Variants in AP3B2 observed in about 807,000 individuals in gnomAD.
The protein encoded by AP3B2 is AP-3 complex subunit beta-2.
In AP3B2, 50 loss-of-function variants were observed where a neutral mutation model predicts 126.9. The observed-to-expected ratio is 0.39, with a 90% CI of 0.31 to 0.50. The LOEUF (loss-of-function observed/expected upper bound fraction) is 0.50, where lower values mean the gene tolerates loss of function less well. Ranked by LOEUF, AP3B2 falls within the 20% of genes least tolerant of loss-of-function variation. The pLI, the probability that AP3B2 is intolerant of heterozygous loss-of-function variation, is 0.79. For synonymous variants in AP3B2, 541 were observed against 565.0 expected (o/e 0.96, Z 0.60); for missense variants, 1,177 against 1,426.4 (o/e 0.83, Z 2.82).
chr15:82,674,877 A>C (rs886643382), intron 14 of AP3B2, among the ~76,000 whole-genome samples: 1 of 150,380 alleles, frequency 6.6e-6, no homozygotes, highest in Admixed American at 6.6e-5. Context: ...ATGCACATGT[A>C]GCTCACAGTG....
intron 1 of AP3B2, among the ~76,000 whole-genome samples, chr15:82,703,805 C>G (rs570541180): frequency 6.6e-6 from 1 of 152,214 alleles, no homozygotes; most frequent in Admixed American, 6.5e-5. Context: ...GTCCCAACCC[C>G]AAGCGTCGCT....
chr15:82,667,870 T>C (rs1290384907), intron 14 of AP3B2, among the ~76,000 whole-genome samples: 1 of 152,196 alleles, frequency 6.6e-6, no homozygotes, highest in Non-Finnish European at 1.5e-5. Flanking sequence ...CTTCACTGCC[T>C]ACCTGCTGAC....
rs979112526 is a variant in AP3B2 at position 82,681,316 on chromosome 15, C to A, written c.521+104G>T. 1 of 1,550,346 alleles carries A rather than the reference C, an allele frequency of 6.5e-7. No individual in the cohort carries two copies. The highest frequency in any genetic ancestry group is 2.3e-5 in the East Asian group (1 of 43,938). Reference sequence around the variant, plus strand: ...TGTCAGTCCCCCAAACTACCCTCCTCAAACCCTCTGAGAAGCAGCAGGCAA... The same window carrying A: ...TGTCAGTCCCCCAAACTACCCTCCTAAAACCCTCTGAGAAGCAGCAGGCAA... On this transcript the variant is annotated intron_variant, in intron 5 of 26. Coordinates refer to ENST00000535359, the MANE Select transcript of AP3B2 (RefSeq NM_001278512.2). This position sits in a 1 kb window ranked among gnomAD's most constrained non-coding sequence, Gnocchi z 4.0.
At chr15:82,697,630 A>G (rs1439284726) in intron 1 of AP3B2, among the ~76,000 whole-genome samples, 1 of 152,256 alleles carries the variant, frequency 6.6e-6, no homozygotes. Flanking sequence ...CAAGAATGTT[A>G]GAAACTGTCT....
intron 4 of AP3B2, among the ~76,000 whole-genome samples, chr15:82,684,783 C>T (rs957860856): frequency 3.9e-5 from 6 of 152,206 alleles, no homozygotes; most frequent in Admixed American, 2.0e-4. Flanking sequence ...TGAGCCACCA[C>T]GCCCAGCCTG....
chr15:82,669,616 C>T (rs1372336123), intron 14 of AP3B2, among the ~76,000 whole-genome samples: 6 of 151,350 alleles, frequency 4.0e-5, no homozygotes, highest in African/African-American at 1.5e-4. Flanking sequence ...CGCTTGAACC[C>T]GGGAGGTGAA....
At chr15:82,683,065 T>C (rs2048371281) in intron 4 of AP3B2, among the ~76,000 whole-genome samples, 1 of 139,130 alleles carries the variant, frequency 7.2e-6, no homozygotes, top group African/African-American at 2.7e-5. Flanking sequence ...TTTTTTTTTT[T>C]TTTTTTTTTT....
In AP3B2 at chr15:82,688,248, G is replaced by C. The variant is rs938350383; in HGVS notation, c.360+488C>G. The C allele has an allele frequency of 1.5e-4, 87 of 590,812 alleles. No homozygotes were observed. The East Asian group carries it at 2.2e-3, about 15-fold the overall frequency. The allele number at this position is 590,812 out of a possible 1,614,324, so 36.6% of individuals were successfully genotyped here. Reference sequence around the variant, plus strand: ...CTTAGACTAACCAGAAAAGCCCTTAGGGGGGAGACTTATACATGCACCTAA... The same window carrying C: ...CTTAGACTAACCAGAAAAGCCCTTACGGGGGAGACTTATACATGCACCTAA... On this transcript the variant is annotated intron_variant, in intron 4 of 26. Coordinates refer to ENST00000535359, the MANE Select transcript of AP3B2 (RefSeq NM_001278512.2).
rs776698099 is a variant in AP3B2 at position 82,680,125 on chromosome 15, C to A, written c.1110+50G>T. 2.6e-5 allele frequency: 42 copies of A among 1,610,018 alleles called. No homozygotes were observed. The highest frequency in any genetic ancestry group is 3.5e-5 in the Non-Finnish European group (41 of 1,178,802). On this transcript the variant is annotated intron_variant, in intron 9 of 26. Transcript: ENST00000535359. This position sits in a 1 kb window ranked among gnomAD's most constrained non-coding sequence, Gnocchi z 6.1. ...CAGCCCCGACAACGCCTCCAGTGCC[C>A]GCAGAAGCGGCCCTCGGACAGCGAG...
Position 82,709,702 on chromosome 15 carries a change from G to T in AP3B2, c.5C>A (p.Ser2Ter). The T allele has an allele frequency of 2.0e-6, 3 of 1,484,862 alleles. No individual in the cohort carries two copies. The South Asian group carries it at 3.8e-5, about 19-fold the overall frequency. 92.0% of individuals were successfully genotyped at this position (1,484,862 alleles called of 1,614,324 possible). ...GTCTTCGCTGTAGGCGGGGGCGGCC[G>T]ACATGGGGCGGCCAGGGAGACTTCG... is the stretch of plus-strand genomic sequence containing the variant. M[S>*]AAPAYSEDKG... is the part of the protein sequence containing the mutation. Residue 2 changes from serine (S) to a stop codon, truncating the protein, a stop_gained, in exon 1 of 27, where the codon TCG (serine) becomes TAG (stop). Coordinates refer to ENST00000535359, the MANE Select transcript of AP3B2 (RefSeq NM_001278512.2). LOFTEE classifies it high-confidence loss of function.
chr15:82,662,662 T>G (rs112028294), intron 23 of AP3B2, 32 bp downstream of exon 23: 37 of 1,573,914 alleles, frequency 2.4e-5, no homozygotes, highest in Middle Eastern at 1.7e-4. Context: ...CCCAGGAGCC[T>G]CCTCCTCCAC....
chr15:82,680,320 G>T lies in AP3B2; in HGVS notation c.1056-91C>A. ...GAAAAGGTGGGGCAAGTCGTTGCGG[G>T]GAGAGGACCAGTGCGGAGGGCAGGA... On this transcript the variant is annotated intron_variant, in intron 8 of 26. Transcript: ENST00000535359. This position sits in a 1 kb window ranked among gnomAD's most constrained non-coding sequence, Gnocchi z 6.1. 2 of 1,581,696 alleles carry T rather than the reference G, an allele frequency of 1.3e-6. No individual in the cohort carries two copies. Among genetic ancestry groups the T allele is most frequent in the Non-Finnish European group, 8.6e-7 (1 of 1,161,260 alleles).
Position 82,670,112 on chromosome 15 carries a change from T to TGGGGGG in AP3B2, c.1666-3180_1666-3179insCCCCCC, listed in dbSNP as rs1465209530. Among the ~76,000 whole-genome samples, 22 of 68,908 alleles carry TGGGGGG rather than the reference T, an allele frequency of 3.2e-4. 1 individual carries two copies. Among genetic ancestry groups the TGGGGGG allele is most frequent in the Non-Finnish European group, 4.5e-4 (15 of 33,500 alleles). The allele number at this position is 68,908 out of a possible 152,430, so 45.2% of individuals were successfully genotyped here. On this transcript the variant is annotated intron_variant, in intron 14 of 26. Coordinates refer to ENST00000535359, the MANE Select transcript of AP3B2 (RefSeq NM_001278512.2). ...AAAAAATCAGTGGCTTTTTTTTTTT[T>TGGGGGG]GGCGGGGGGGGACGAAGATGAAGTC...
rs1242075840 is a variant in AP3B2 at position 82,680,140 on chromosome 15, C to A, written c.1110+35G>T. The A allele has an allele frequency of 6.2e-7, 1 of 1,611,974 alleles. No homozygotes were observed. On this transcript the variant is annotated intron_variant, in intron 9 of 26. Transcript: ENST00000535359. This position sits in a 1 kb window ranked among gnomAD's most constrained non-coding sequence, Gnocchi z 6.1. ...CTCCAGTGCCCGCAGAAGCGGCCCT[C>A]GGACAGCGAGGACAGCCCGCCGTCG...
intron 1 of AP3B2, among the ~76,000 whole-genome samples, chr15:82,700,807 A>G (rs183053808): frequency 6.6e-6 from 1 of 152,208 alleles, no homozygotes; most frequent in Non-Finnish European, 1.5e-5. Flanking sequence ...GAAAGTCTTT[A>G]GATGAAATCC....
In AP3B2 at chr15:82,663,585, C is replaced by A; in HGVS notation, c.2472G>T (p.Glu824Asp). 6.2e-7 allele frequency: 1 copy of A among 1,613,904 alleles called. No homozygotes were observed. The highest frequency in any genetic ancestry group is 1.3e-5 in the African/African-American group (1 of 75,048). Reference protein sequence around the residue: ...PSSKSAPATKEISLLDLEDFT... With the variant: ...PSSKSAPATKDISLLDLEDFT... ...AATCCTCTAGATCAAGCAGGGAGAT[C>A]TCCTTGGTTGCAGGAGCACTTTTGC... is the stretch of plus-strand genomic sequence containing the variant. The change falls in exon 21 of 27, where the codon GAG becomes GAT. Residue 824 changes from glutamate to aspartate, a missense_variant. Transcript: ENST00000535359.
At chr15:82,692,136 C>T (rs1048254526) in intron 1 of AP3B2, 4 of 1,496,206 alleles carry the variant, frequency 2.7e-6, no homozygotes, top group African/African-American at 1.4e-5. Flanking sequence ...GAACTCCACA[C>T]GAAGCCGACA....
Position 82,680,497 on chromosome 15 carries a change from G to C in AP3B2, c.1030C>G (p.Leu344Val). 1.3e-6 allele frequency: 2 copies of C among 1,522,584 alleles called. No homozygotes were observed. The highest frequency in any genetic ancestry group is 2.5e-5 in the East Asian group (1 of 40,322). 94.3% of individuals were successfully genotyped at this position (1,522,584 alleles called of 1,614,324 possible). ...CTGTGGCTGCGCAGCAGGCGCACCA[G>C]CGCCTTGGCGATGACGCCCACTTCC... ...KAEVGVIAKA[L>V]VRLLRSHSEV... Residue 344 changes from leucine (L) to valine (V), a missense_variant, in exon 8 of 27, where the codon CTG (leucine) becomes GTG (valine). This residue lies in a region of AP3B2 where 308 missense variants were observed against 452.4 expected (regional missense o/e 0.68). Coordinates refer to ENST00000535359, the MANE Select transcript of AP3B2 (RefSeq NM_001278512.2). This position sits in a 1 kb window ranked among gnomAD's most constrained non-coding sequence, Gnocchi z 6.1.
In AP3B2 at chr15:82,674,442, T is replaced by C. The variant is rs150721791; in HGVS notation, c.1665+2019A>G. Among the ~76,000 whole-genome samples, 87 of 152,258 alleles carry C rather than the reference T, an allele frequency of 5.7e-4. 1 individual carries two copies. In the East Asian group the frequency reaches 0.014, roughly 24 times the overall value. ...AGGTGAAGGGCGCCCTGGAGGTGAG[T>C]GTCCATTTGCCTGAACAGCCTACTC... On this transcript the variant is annotated intron_variant, in intron 14 of 26. Transcript: ENST00000535359.
Sources: gnomAD v4.1 joint callset for allele counts (sites outside exome capture counted in the v4.1 genomes callset) on GRCh38, gnomAD v4.1.1 for gene constraint, gnomAD v4.1.1 regional missense constraint, Gnocchi (gnomAD v3.1) non-coding constraint, MANE v1.5 for transcripts, NCBI Gene and HGNC (gene_info 2026-07-23, HGNC 2026-07-21) for gene names.